CANX: variants seen among roughly 807,000 people sequenced by gnomAD.
CANX encodes the protein calnexin.
In CANX, 14 loss-of-function variants were observed where a neutral mutation model predicts 75.7. The ratio of observed to expected loss-of-function variants is 0.19; its 90% CI spans 0.12 to 0.29. CANX has a LOEUF of 0.29. Ranked by LOEUF, CANX falls within the 10% of genes least tolerant of loss-of-function variation. The probability of loss-of-function intolerance (pLI) is 1.00; values close to 1 mark genes in which losing one functional copy is unlikely to be tolerated. For synonymous variants in CANX, 227 were observed against 236.9 expected (o/e 0.96, Z 0.38); for missense variants, 567 against 713.2 (o/e 0.79, Z 2.34).
rs1266174545 is a variant in CANX at position 179,729,746 on chromosome 5, T to A, written c.*1102T>A. 1 of 152,660 alleles carries A rather than the reference T, an allele frequency of 6.6e-6. No homozygotes were observed. Among genetic ancestry groups the A allele is most frequent in the Non-Finnish European group, 1.5e-5 (1 of 68,052 alleles). 9.5% of individuals were successfully genotyped at this position (152,660 alleles called of 1,614,324 possible). A position where few individuals can be genotyped will look rare whatever the true frequency, so the allele number is the denominator to read the frequency against. ...TACAAAGTACAGAAAAATACTTTGA[T>A]TTTTATCCATTTCTTTTACTCTGTG... is the stretch of plus-strand genomic sequence containing the variant. On this transcript the variant is annotated 3_prime_UTR_variant, in exon 15 of 15. Coordinates refer to ENST00000247461, the MANE Select transcript of CANX (RefSeq NM_001746.4).
upstream of CANX, among the ~76,000 whole-genome samples, chr5:179,695,839 A>T (rs1249816285): frequency 6.9e-6 from 1 of 144,456 alleles, no homozygotes; most frequent in East Asian, 2.1e-4. Context: ...TTTAGTAGAG[A>T]TGGGGTTTCA....
At chr5:179,728,338 T>A (rs1204979890) in intron 14 of CANX, among the ~76,000 whole-genome samples, 1 of 152,188 alleles carries the variant, frequency 6.6e-6, no homozygotes, top group East Asian at 1.9e-4. Flanking sequence ...GATCCTTTTT[T>A]AAGAAAATGT....
At chr5:179,707,663 T>TTA (rs1554143550) in intron 4 of CANX, among the ~76,000 whole-genome samples, 1,421 of 127,434 alleles carry the variant, frequency 0.011, 48 homozygotes, top group Admixed American at 0.099. Context: ...TTTTTTTTTT[T>TTA]TTTTATTTAA....
At chr5:179,718,590 G>A (rs1238159217) in intron 8 of CANX, among the ~76,000 whole-genome samples, 2 of 151,514 alleles carry the variant, frequency 1.3e-5, no homozygotes, top group Non-Finnish European at 2.9e-5. Flanking sequence ...GTGTAGTGGC[G>A]TGATCTTGGC....
intron 1 of CANX, among the ~76,000 whole-genome samples, chr5:179,681,446 G>A (rs1776061805): frequency 1.3e-5 from 2 of 152,158 alleles, no homozygotes; most frequent in South Asian, 4.1e-4. Context: ...AAGGGGGTGA[G>A]GGAAGCAAGA....
At chr5:179,705,894 A>G in intron 2 of CANX, 42 bp downstream of exon 2, 3 of 1,550,474 alleles carry the variant, frequency 1.9e-6, no homozygotes, top group Non-Finnish European at 1.8e-6. Context: ...ACGTCTTGAG[A>G]TGATAAAATT....
At chr5:179,706,853 C>T (rs925869031) in intron 3 of CANX, among the ~76,000 whole-genome samples, 4 of 152,192 alleles carry the variant, frequency 2.6e-5, no homozygotes, top group Non-Finnish European at 5.9e-5. Flanking sequence ...TTCCCTCCCC[C>T]ACTCTACCCT....
At chr5:179,699,149 G>T (rs373052316) in intron 1 of CANX, 47 bp downstream of exon 1, 10 of 985,946 alleles carry the variant, frequency 1.0e-5, no homozygotes, top group Non-Finnish European at 1.2e-5. Context: ...GAGGACCTCG[G>T]GGGGCTGGGA....
chr5:179,684,641 A>C (rs1163871579), intron 1 of CANX, among the ~76,000 whole-genome samples: 1 of 150,018 alleles, frequency 6.7e-6, no homozygotes, highest in Non-Finnish European at 1.5e-5. Flanking sequence ...TGCCCGGCCA[A>C]GCCTTTTTAA....
rs748945692 is a variant in CANX at position 179,724,713 on chromosome 5, G to T, written c.1575G>T (p.Lys525Asn). 18 of 1,612,730 alleles carry T rather than the reference G, an allele frequency of 1.1e-5. No individual in the cohort carries two copies. Among genetic ancestry groups the T allele is most frequent in the Non-Finnish European group, 1.4e-5 (17 of 1,178,852 alleles). Residue 525 changes from lysine to asparagine, a missense_variant, in exon 13 of 15, where the codon AAG becomes AAT. Coordinates refer to ENST00000247461, the MANE Select transcript of CANX (RefSeq NM_001746.4). ...KKTDAPQPDVKEEEEEKEEEK... is the reference protein window; with the variant it reads ...KKTDAPQPDVNEEEEEKEEEK... ...CTGATGCACCTCAACCGGATGTGAA[G>T]GAAGAGGAAGAAGAGAAGGAAGAGG...
intron 1 of CANX, among the ~76,000 whole-genome samples, chr5:179,688,475 T>A (rs1776233084): frequency 6.6e-6 from 1 of 150,806 alleles, no homozygotes; most frequent in African/African-American, 2.4e-5. Flanking sequence ...GCCATTCTTC[T>A]GCCTTAGCCT....
intron 4 of CANX, 80 bp from the exon 5 acceptor site, chr5:179,708,159 C>T: frequency 1.7e-6 from 2 of 1,165,050 alleles, no homozygotes; most frequent in South Asian, 1.3e-5. Context: ...ATTTATGCAA[C>T]TAGGAGGTGT....
chr5:179,705,961 A>G (rs1777107588), intron 2 of CANX, 109 bp downstream of exon 2: 1 of 803,388 alleles, frequency 1.2e-6, no homozygotes, highest in African/African-American at 1.7e-5. Context: ...GGCCTAGGAC[A>G]GGAGTGTGAG....
In CANX at chr5:179,720,434, T is replaced by C. The variant is rs1276014963; in HGVS notation, c.1056T>C (p.Ala352=). Residue 352 remains alanine, a synonymous_variant, in exon 10 of 15, where the codon GCT becomes GCC. Coordinates refer to ENST00000247461, the MANE Select transcript of CANX (RefSeq NM_001746.4). ...AAGACATGGATGGAGAATGGGAGGC[T>C]CCTCAGATTGCCAACCCTAGATGTG... ...WDEDMDGEWE[A]PQIANPRCES... 4 of 1,614,038 alleles carry C rather than the reference T, an allele frequency of 2.5e-6. No individual in the cohort carries two copies. Among genetic ancestry groups the C allele is most frequent in the Non-Finnish European group, 3.4e-6 (4 of 1,179,916 alleles).
At chr5:179,724,881 G>A in intron 13 of CANX, 98 bp downstream of exon 13, 1 of 1,461,876 alleles carries the variant, frequency 6.8e-7, no homozygotes, top group East Asian at 2.5e-5. Context: ...GCCAGGCGTG[G>A]TGGCTCAAGC....
chr5:179,727,487 A>T (rs1778738276), intron 14 of CANX, among the ~76,000 whole-genome samples: 1 of 152,198 alleles, frequency 6.6e-6, no homozygotes. Flanking sequence ...CACAGAGAAC[A>T]GCCAGTATTG....
chr5:179,690,003 A>G (rs1776272723), intron 1 of CANX, among the ~76,000 whole-genome samples: 1 of 152,200 alleles, frequency 6.6e-6, no homozygotes, highest in Non-Finnish European at 1.5e-5. Context: ...ATTGAAGGAC[A>G]TAAGGTTTAT....
upstream of CANX, chr5:179,698,466 G>A: frequency 7.8e-7 from 1 of 1,289,148 alleles, no homozygotes; most frequent in African/African-American, 1.5e-5. Flanking sequence ...GCTCACGCCC[G>A]TAGGGGCCCG....
At chr5:179,679,098 G>A in intron 1 of CANX, 1 of 1,535,840 alleles carries the variant, frequency 6.5e-7, no homozygotes, top group Non-Finnish European at 8.7e-7. Context: ...GTCTGCCACA[G>A]GCGGCTGGCA....
Sources: gnomAD v4.1 joint callset for allele counts (sites outside exome capture counted in the v4.1 genomes callset) on GRCh38, gnomAD v4.1.1 for gene constraint, MANE v1.5 for transcripts, NCBI Gene and HGNC (gene_info 2026-07-23, HGNC 2026-07-21) for gene names.